Variants in CBFA2T3 observed in about 807,000 individuals in gnomAD.
CBFA2T3 encodes CBFA2/RUNX1 partner transcriptional co-repressor 3.
In CBFA2T3, 31 loss-of-function variants were observed where a neutral mutation model predicts 58.6. The observed-to-expected ratio is 0.53, with a 90% confidence interval of 0.40 to 0.71. The LOEUF (loss-of-function observed/expected upper bound fraction) is 0.71, where lower values mean the gene tolerates loss of function less well. Ranked by LOEUF, CBFA2T3 falls within the 30% of genes least tolerant of loss-of-function variation. The pLI is 0.00. For missense variants in CBFA2T3, 1,076 were observed against 963.1 expected, an observed-to-expected ratio of 1.12 and a Z score of -1.55; for synonymous variants, 531 against 421.9, an observed-to-expected ratio of 1.26 and a Z score of -3.17.
At chr16:88,884,777 A>C in intron 7 of CBFA2T3, 1 of 389,096 alleles carries the variant, frequency 2.6e-6, no homozygotes, top group Non-Finnish European at 4.6e-6. Flanking sequence ...GACTGTGGGA[A>C]TCGCCAAGCT....
intron 1 of CBFA2T3, among the ~76,000 whole-genome samples, chr16:88,906,494 C>T (rs1970339182): frequency 6.6e-6 from 1 of 152,260 alleles, no homozygotes; most frequent in African/African-American, 2.4e-5. Context: ...CATCAAACCA[C>T]TTGGAAAAAT....
At chr16:88,910,360 C>T (rs189159664) in intron 1 of CBFA2T3, among the ~76,000 whole-genome samples, 2 of 152,364 alleles carry the variant, frequency 1.3e-5, no homozygotes, top group East Asian at 3.9e-4. Context: ...TGTCCTGCTC[C>T]TTCTCTTCTC....
At chr16:88,877,974 C>A (rs904380073) in intron 11 of CBFA2T3, among the ~76,000 whole-genome samples, 1 of 152,226 alleles carries the variant, frequency 6.6e-6, no homozygotes, top group African/African-American at 2.4e-5. Context: ...GCCTCTGGTA[C>A]CACCTCCCAC....
At chr16:88,954,010 C>T (rs983142752) in intron 1 of CBFA2T3, among the ~76,000 whole-genome samples, 2 of 152,114 alleles carry the variant, frequency 1.3e-5, no homozygotes, top group Non-Finnish European at 2.9e-5. Context: ...TAGCAGGAAG[C>T]TCTTTCATCT....
At chr16:88,896,402 G>C (rs1447858010) in intron 3 of CBFA2T3, among the ~76,000 whole-genome samples, 1 of 152,190 alleles carries the variant, frequency 6.6e-6, no homozygotes, top group South Asian at 2.1e-4. Flanking sequence ...CGGCCCTCTG[G>C]AGCGCGCGGC....
chr16:88,887,857 C>A (rs1286597650), intron 5 of CBFA2T3, among the ~76,000 whole-genome samples: 1 of 152,184 alleles, frequency 6.6e-6, no homozygotes, highest in African/African-American at 2.4e-5. Context: ...GGCGCTCAGG[C>A]TGGGGAACTG....
intron 1 of CBFA2T3, among the ~76,000 whole-genome samples, chr16:88,921,514 G>T (rs1033321641): frequency 1.3e-5 from 2 of 152,148 alleles, no homozygotes; most frequent in Non-Finnish European, 2.9e-5. Context: ...GGATCTCCCT[G>T]GGTGGGGTCC....
At chr16:88,975,222 C>G (rs76732378) in intron 1 of CBFA2T3, among the ~76,000 whole-genome samples, 5,288 of 82,064 alleles carry the variant, frequency 0.064, 101 homozygotes, top group East Asian at 0.088. Flanking sequence ...CTCTGCTCCT[C>G]ACCTGCAGCC....
rs182111221 is a variant in CBFA2T3, at chr16:88,881,286, C to T, written c.1402+5G>A. 6.7e-4 allele frequency: 1,068 copies of T among 1,594,190 alleles called. 6 individuals carry two copies. In the African/African-American group the frequency reaches 0.011, roughly 16 times the overall value. Reference sequence around the variant, plus strand: ...CTGCTCCCTCCCCCCACACCCCACACGCACCTAGCTGAGGCCCTTCGGGAC... The same window carrying T: ...CTGCTCCCTCCCCCCACACCCCACATGCACCTAGCTGAGGCCCTTCGGGAC... On this transcript the variant is annotated splice_donor_5th_base_variant and intron_variant, in intron 9 of 11. Coordinates refer to ENST00000268679, the MANE Select transcript of CBFA2T3 (RefSeq NM_005187.6).
intron 1 of CBFA2T3, among the ~76,000 whole-genome samples, chr16:88,922,577 C>T (rs1970956567): frequency 6.6e-6 from 1 of 152,242 alleles, no homozygotes; most frequent in Non-Finnish European, 1.5e-5. Context: ...GTCTGCCTCT[C>T]CTATCCCACG....
intron 1 of CBFA2T3, chr16:88,941,749 T>G (rs937046914): frequency 4.7e-5 from 7 of 148,950 alleles, no homozygotes; most frequent in Non-Finnish European, 7.5e-5. Context: ...CCTCTCCCCC[T>G]CCGCAGGCCG....
In CBFA2T3 at chr16:88,917,555, A is replaced by C. The variant is rs1234083705; in HGVS notation, c.152-15899T>G. On this transcript the variant is annotated intron_variant, in intron 1 of 11. Transcript: ENST00000268679. ...GCCAGGGGAGGCTACACCGGTTCCC[A>C]AAGTGTCGTCGCTGTTTAAAAAAAT... Among the ~76,000 whole-genome samples the C allele has an allele frequency of 1.3e-5, 2 of 152,206 alleles. 1 individual carries two copies. Among genetic ancestry groups the C allele is most frequent in the South Asian group, 4.1e-4 (2 of 4,828 alleles).
At chr16:88,916,176 ATG>A (rs1475321490) in intron 1 of CBFA2T3, among the ~76,000 whole-genome samples, 3 of 145,336 alleles carry the variant, frequency 2.1e-5, no homozygotes, top group Non-Finnish European at 3.0e-5. Flanking sequence ...GCGTGTATTC[ATG>A]TGTGCGCATG....
intron 1 of CBFA2T3, among the ~76,000 whole-genome samples, chr16:88,970,645 C>G (rs1191933178): frequency 6.6e-6 from 1 of 152,248 alleles, no homozygotes. Context: ...ACTGTGGAGC[C>G]AGTCCCTGCC....
chr16:88,880,723 C>A lies in CBFA2T3; in HGVS notation c.1468G>T (p.Ala490Ser). The A allele has an allele frequency of 6.4e-7, 1 of 1,564,374 alleles. No homozygotes were observed. The highest frequency in any genetic ancestry group is 1.2e-5 in the South Asian group (1 of 85,254). The change falls in exon 10 of 12, where the codon GCT (alanine) becomes TCT (serine). Residue 490 changes from alanine (A) to serine (S), a missense_variant. Transcript: ENST00000268679. ...GYVPEDIWRK[A>S]EEAVNEVKRQ... is the part of the protein sequence containing the mutation. Reference sequence around the variant, plus strand: ...AGGCCCCTGCACCCCCACTCACCAGCCTTCCTCCAGATGTCCTCAGGCACG... The same window carrying A: ...AGGCCCCTGCACCCCCACTCACCAGACTTCCTCCAGATGTCCTCAGGCACG...
intron 1 of CBFA2T3, among the ~76,000 whole-genome samples, chr16:88,906,819 C>G (rs756436601): frequency 1.3e-5 from 2 of 152,194 alleles, no homozygotes; most frequent in Non-Finnish European, 2.9e-5. Flanking sequence ...CTGCAGCCCC[C>G]AGGAGATTAA....
Position 88,887,532 on chromosome 16 carries a change from C to T in CBFA2T3, c.712-1390G>A, listed in dbSNP as rs577237391. Reference sequence around the variant, plus strand: ...TCTGGAAGGCCTGACCCTTGGGCTGCGTGTGGGGCAGGCTCAGGAAAGGGT... The same window carrying T: ...TCTGGAAGGCCTGACCCTTGGGCTGTGTGTGGGGCAGGCTCAGGAAAGGGT... On this transcript the variant is annotated intron_variant, in intron 5 of 11. Transcript: ENST00000268679. Among the ~76,000 whole-genome samples, 506 of 152,134 alleles carry T rather than the reference C, an allele frequency of 3.3e-3. 7 individuals are homozygous for T. The highest frequency in any genetic ancestry group is 0.012 in the African/African-American group (493 of 41,482).
intron 1 of CBFA2T3, among the ~76,000 whole-genome samples, chr16:88,942,241 G>C (rs1026719190): frequency 4.6e-5 from 7 of 152,158 alleles, no homozygotes; most frequent in Non-Finnish European, 7.3e-5. Context: ...GCATTTGCCT[G>C]CTTAGTACAT....
intron 1 of CBFA2T3, among the ~76,000 whole-genome samples, chr16:88,945,509 G>T (rs1273902995): frequency 6.6e-6 from 1 of 152,190 alleles, no homozygotes; most frequent in East Asian, 1.9e-4. Context: ...CAAAAGATCT[G>T]AATAGACACC....
Sources: gnomAD v4.1 joint callset for allele counts (sites outside exome capture counted in the v4.1 genomes callset) on GRCh38, gnomAD v4.1.1 for gene constraint, MANE v1.5 for transcripts, NCBI Gene and HGNC (gene_info 2026-07-23, HGNC 2026-07-21) for gene names.